MEGF11: variants seen among roughly 807,000 people sequenced by gnomAD.
MEGF11 encodes multiple EGF like domains 11.
In MEGF11, 126 loss-of-function variants were observed where a neutral mutation model predicts 146.6. That is an observed-to-expected ratio of 0.86 (90% CI 0.74 to 1.00). The LOEUF (loss-of-function observed/expected upper bound fraction) is 1.00. MEGF11 is among the 50% of genes least tolerant of loss of function. The probability of loss-of-function intolerance (pLI) is 0.00; values close to 1 mark genes in which losing one functional copy is unlikely to be tolerated. For synonymous variants in MEGF11, 532 were observed against 583.4 expected (o/e 0.91, Z 1.27); for missense variants, 1,509 against 1,521.2 (o/e 0.99, Z 0.13).
chr15:65,985,953 ATT>A (rs60520972), intron 5 of MEGF11, among the ~76,000 whole-genome samples: 14 of 140,284 alleles, frequency 1.0e-4, no homozygotes, highest in Non-Finnish European at 9.3e-5. Context: ...TTGTGTCTGC[ATT>A]TTTTTTTTTT....
intron 1 of MEGF11, among the ~76,000 whole-genome samples, chr15:66,137,556 TTTC>T (rs2088948402): frequency 1.0e-5 from 1 of 98,664 alleles, no homozygotes; most frequent in Non-Finnish European, 2.4e-5. Context: ...GGTGACTTTC[TTTC>T]TTTTTTTTTT....
intron 1 of MEGF11, among the ~76,000 whole-genome samples, chr15:66,136,165 G>A (rs987437682): frequency 3.9e-5 from 6 of 152,210 alleles, no homozygotes; most frequent in Non-Finnish European, 5.9e-5. Context: ...TAGGAAGGGT[G>A]AGAGAACAAC....
At chr15:66,160,242 C>CCTCTCTTTCTCTCTCT (rs2089902330) in intron 1 of MEGF11, among the ~76,000 whole-genome samples, 1 of 133,410 alleles carries the variant, frequency 7.5e-6, no homozygotes, top group Non-Finnish European at 1.6e-5. Context: ...AAGGAAAAGC[C>CCTCTCTTTCTCTCTCT]CTCTCTCTCT....
At chr15:65,983,751 A>T (rs1233576695) in intron 5 of MEGF11, among the ~76,000 whole-genome samples, 2 of 152,084 alleles carry the variant, frequency 1.3e-5, no homozygotes, top group African/African-American at 4.8e-5. Flanking sequence ...TTTGTGCTCC[A>T]GGTTTCTAGG....
At chr15:65,988,677 T>A (rs1456371234) in intron 5 of MEGF11, among the ~76,000 whole-genome samples, 1 of 152,224 alleles carries the variant, frequency 6.6e-6, no homozygotes, top group African/African-American at 2.4e-5. Flanking sequence ...TAATAAATAA[T>A]GCGGCCGACC....
intron 5 of MEGF11, among the ~76,000 whole-genome samples, chr15:66,070,311 G>A (rs2085313070): frequency 6.6e-6 from 1 of 152,316 alleles, no homozygotes; most frequent in South Asian, 2.1e-4. Flanking sequence ...CCAGAGAGGT[G>A]GGCTCTGGAA....
At chr15:66,244,397 A>G (rs1440287136) in intron 1 of MEGF11, among the ~76,000 whole-genome samples, 10 of 152,182 alleles carry the variant, frequency 6.6e-5, no homozygotes, top group African/African-American at 2.4e-4. Flanking sequence ...GCTAGAATCT[A>G]GAGGTTCCTG....
Position 65,980,779 on chromosome 15 carries a change from G to T in MEGF11, c.761C>A (p.Thr254Lys). The T allele has an allele frequency of 6.3e-7, 1 of 1,599,406 alleles. No individual in the cohort carries two copies. The highest frequency in any genetic ancestry group is 8.5e-7 in the Non-Finnish European group (1 of 1,173,468). The change falls in exon 7 of 26, where the codon ACG (threonine) becomes AAG (lysine). Residue 254 changes from threonine (T) to lysine (K), a missense_variant and splice_region_variant. By Grantham distance (78) the Thr-to-Lys change is moderately conservative (BLOSUM62 -1). Coordinates refer to ENST00000395614, the MANE Select transcript of MEGF11 (RefSeq NM_001385028.1). ...TGECACPPGWTGAVCAQPCPP... is the reference protein window; with the variant it reads ...TGECACPPGWKGAVCAQPCPP... ...CCCAGATCCTTTGGGCCCACTTACCGTCCAGCCTGGGGGGCAGGCACACTC... is the reference window on the plus strand; with the variant it reads ...CCCAGATCCTTTGGGCCCACTTACCTTCCAGCCTGGGGGGCAGGCACACTC...
Position 66,094,566 on chromosome 15 carries a change from T to C in MEGF11, c.302-72A>G, listed in dbSNP as rs907628974. 12 of 1,349,366 alleles carry C rather than the reference T, an allele frequency of 8.9e-6. No individual in the cohort carries two copies. In the African/African-American group the frequency reaches 1.4e-4, roughly 16 times the overall value. 83.6% of individuals were successfully genotyped at this position (1,349,366 alleles called of 1,614,324 possible). A position where few individuals can be genotyped will look rare whatever the true frequency, so the allele number is the denominator to read the frequency against. On this transcript the variant is annotated intron_variant, in intron 4 of 25. Coordinates refer to ENST00000395614, the MANE Select transcript of MEGF11 (RefSeq NM_001385028.1). Reference sequence around the variant, plus strand: ...AAACCAACCATCTGGTCAAGGAGCATAATCCATTTTGTCACAACTCCCTGG... The same window carrying C: ...AAACCAACCATCTGGTCAAGGAGCACAATCCATTTTGTCACAACTCCCTGG...
intron 9 of MEGF11, among the ~76,000 whole-genome samples, chr15:65,958,429 C>G (rs1567176408): frequency 6.6e-6 from 1 of 152,222 alleles, no homozygotes. Context: ...GATCCAATAG[C>G]CAATGTCTAT....
At chr15:66,048,999 G>A (rs1016347150) in intron 5 of MEGF11, among the ~76,000 whole-genome samples, 11 of 152,296 alleles carry the variant, frequency 7.2e-5, no homozygotes, top group African/African-American at 2.6e-4. Flanking sequence ...ACCACCAGGG[G>A]TTTGTCCTAT....
At chr15:65,992,936 C>T (rs1209042260) in intron 5 of MEGF11, among the ~76,000 whole-genome samples, 2 of 152,154 alleles carry the variant, frequency 1.3e-5, no homozygotes, top group Non-Finnish European at 2.9e-5. Context: ...GGAGGCACCG[C>T]AGAGCTGGAA....
chr15:66,101,792 A>G (rs2086820647), intron 4 of MEGF11, among the ~76,000 whole-genome samples: 1 of 152,218 alleles, frequency 6.6e-6, no homozygotes, highest in African/African-American at 2.4e-5. Flanking sequence ...GACCAGGGCA[A>G]TGCTGAGCCC....
chr15:66,075,944 A>G (rs1550031), intron 5 of MEGF11, among the ~76,000 whole-genome samples: 146,811 of 152,308 alleles, frequency 0.96, 70,989 homozygotes, highest in East Asian at 1. Context: ...CCTGGGCTGA[A>G]AGGTCCTTAG....
intron 5 of MEGF11, among the ~76,000 whole-genome samples, chr15:66,006,946 C>T (rs2140086351): frequency 6.6e-6 from 1 of 152,332 alleles, no homozygotes; most frequent in South Asian, 2.1e-4. Context: ...CAAACACAAG[C>T]CCCCTCCCTC....
intron 24 of MEGF11, among the ~76,000 whole-genome samples, chr15:65,904,042 T>C (rs1339012288): frequency 6.6e-6 from 1 of 152,214 alleles, no homozygotes; most frequent in Non-Finnish European, 1.5e-5. Flanking sequence ...TAATGAAATG[T>C]ATGCTGAGGC....
intron 5 of MEGF11, among the ~76,000 whole-genome samples, chr15:65,997,327 G>A (rs2082230736): frequency 6.6e-6 from 1 of 152,212 alleles, no homozygotes. Context: ...CAGCTTGGTG[G>A]GTCATTTGTT....
chr15:65,918,793 C>T (rs1250011647), intron 15 of MEGF11, among the ~76,000 whole-genome samples: 1 of 152,210 alleles, frequency 6.6e-6, no homozygotes, highest in African/African-American at 2.4e-5. Context: ...AGCTGGTTTC[C>T]TCAGTCAGGC....
intron 8 of MEGF11, 27 bp from the exon 9 acceptor site, chr15:65,965,147 G>T (rs768781123): frequency 1.3e-6 from 2 of 1,536,614 alleles, no homozygotes; most frequent in East Asian, 2.4e-5. Context: ...TGGGGCTGAG[G>T]CTGTGGGCCA....
Sources: gnomAD v4.1 joint callset for allele counts (sites outside exome capture counted in the v4.1 genomes callset) on GRCh38, gnomAD v4.1.1 for gene constraint, MANE v1.5 for transcripts, NCBI Gene and HGNC (gene_info 2026-07-23, HGNC 2026-07-21) for gene names.